APOL5: variants seen among roughly 807,000 people sequenced by gnomAD.
APOL5 encodes the protein apolipoprotein L, 5.
A neutral mutation model predicts 35.5 loss-of-function variants in APOL5; 29 were observed. The observed-to-expected ratio is 0.82, with a 90% CI of 0.61 to 1.11. The LOEUF is 1.11. Ranked by LOEUF, APOL5 falls within the 50% of genes most tolerant of loss-of-function variation. APOL5 has a pLI of 0.00. For missense variants in APOL5, 514 were observed against 530.4 expected, an observed-to-expected ratio of 0.97 and a Z score of 0.30; for synonymous variants, 188 against 200.2, an observed-to-expected ratio of 0.94 and a Z score of 0.51.
rs1927159072 is a variant in APOL5, at chr22:35,726,445, A to T, written c.377A>T (p.Gln126Leu). ...NIKELNTLAD[Q>L]VDTTHELLTK... ...AAAGAACTTAACACCCTTGCGGACC[A>T]AGTTGACACCACTCACGAGTTGCTT... Residue 126 changes from glutamine (Q) to leucine (L), a missense_variant, in exon 3 of 5, where the codon CAA (glutamine) becomes CTA (leucine). By Grantham distance (113) the Gln-to-Leu change is moderately radical. Coordinates refer to ENST00000249044, the MANE Select transcript of APOL5 (RefSeq NM_030642.1). The T allele has an allele frequency of 2.5e-6, 4 of 1,614,150 alleles. No individual in the cohort carries two copies. Among genetic ancestry groups the T allele is most frequent in the Non-Finnish European group, 3.4e-6 (4 of 1,180,038 alleles).
At chr22:35,724,203 C>T (rs924576008) in intron 2 of APOL5, among the ~76,000 whole-genome samples, 7 of 151,410 alleles carry the variant, frequency 4.6e-5, no homozygotes, top group Admixed American at 4.6e-4. Context: ...TGGTTGCATG[C>T]GCCTGTAGTC....
chr22:35,713,546 A>G (rs1440089745), upstream of APOL5, among the ~76,000 whole-genome samples: 1 of 152,086 alleles, frequency 6.6e-6, no homozygotes, highest in Non-Finnish European at 1.5e-5. Context: ...CCCATCTCGG[A>G]GTCACCAGGC....
upstream of APOL5, among the ~76,000 whole-genome samples, chr22:35,715,326 G>T (rs1274994958): frequency 6.6e-6 from 1 of 152,180 alleles, no homozygotes; most frequent in African/African-American, 2.4e-5. Context: ...AGCAGGGAGA[G>T]CTGAGCAAGA....
At chr22:35,722,613 C>A (rs1292823359) in intron 2 of APOL5, among the ~76,000 whole-genome samples, 1 of 152,048 alleles carries the variant, frequency 6.6e-6, no homozygotes, top group Non-Finnish European at 1.5e-5. Context: ...AGGTTCTTAC[C>A]CTAACTCCAC....
the APOL5 span, among the ~76,000 whole-genome samples, chr22:35,708,730 T>C: frequency 6.6e-6 from 1 of 152,202 alleles, no homozygotes; most frequent in African/African-American, 2.4e-5. Flanking sequence ...TGCAACTCCC[T>C]TGAGTAGTTA....
At chr22:35,722,156 G>C (rs1926993285) in intron 2 of APOL5, among the ~76,000 whole-genome samples, 1 of 152,184 alleles carries the variant, frequency 6.6e-6, no homozygotes, top group Non-Finnish European at 1.5e-5. Context: ...CCGTGTCCTT[G>C]ACTTTGGCTA....
At chr22:35,709,353 AAC>A in the APOL5 span, among the ~76,000 whole-genome samples, 1,559 of 147,928 alleles carry the variant, frequency 0.011, 27 homozygotes, top group Middle Eastern at 0.069. Context: ...TAAGGTATAA[AAC>A]ACACAAAATT....
rs920571422 is a variant in APOL5 at position 35,728,650 on chromosome 22, T to C, written c.1127-73T>C. The stretch of plus-strand genomic sequence containing the variant: ...TAGAAATTTGCTCTCTGGGGACATA[T>C]TTGAGCTTCTGAACGTCCAGGGGCA... On this transcript the variant is annotated intron_variant, in intron 3 of 4. Coordinates refer to ENST00000249044, the MANE Select transcript of APOL5 (RefSeq NM_030642.1). The C allele has an allele frequency of 4.9e-5, 75 of 1,527,480 alleles. No individual in the cohort carries two copies. The Middle Eastern group carries it at 1.1e-3, about 22-fold the overall frequency. 94.6% of individuals were successfully genotyped at this position (1,527,480 alleles called of 1,614,324 possible). A position where few individuals can be genotyped will look rare whatever the true frequency, so the allele number is the denominator to read the frequency against.
chr22:35,724,111 T>C (rs1246789707), intron 2 of APOL5, among the ~76,000 whole-genome samples: 1 of 151,388 alleles, frequency 6.6e-6, no homozygotes, highest in Non-Finnish European at 1.5e-5. Flanking sequence ...TTACTAATTT[T>C]TAAAAATTAT....
At chr22:35,723,079 G>T (rs919084945) in intron 2 of APOL5, among the ~76,000 whole-genome samples, 1 of 152,168 alleles carries the variant, frequency 6.6e-6, no homozygotes, top group Non-Finnish European at 1.5e-5. Flanking sequence ...AGGAGGGAGG[G>T]ACCCAGGGCT....
intron 3 of APOL5, among the ~76,000 whole-genome samples, chr22:35,728,302 C>T (rs1272316189): frequency 1.3e-5 from 2 of 152,316 alleles, no homozygotes; most frequent in Non-Finnish European, 1.5e-5. Flanking sequence ...TGGCTCACTG[C>T]AAGCTCCGCC....
chr22:35,723,873 C>T (rs898940839), intron 2 of APOL5, among the ~76,000 whole-genome samples: 6 of 152,202 alleles, frequency 3.9e-5, no homozygotes, highest in Non-Finnish European at 1.5e-5. Flanking sequence ...AGAAGAATGG[C>T]TTGAACTCTG....
At chr22:35,716,551 C>T (rs1020368710), upstream of APOL5, among the ~76,000 whole-genome samples, 6 of 152,128 alleles carry the variant, frequency 3.9e-5, no homozygotes, top group African/African-American at 1.2e-4. Context: ...CGTGAGCCAC[C>T]GTGCCTGGCT....
intron 2 of APOL5, among the ~76,000 whole-genome samples, chr22:35,724,393 T>TA (rs201633209): frequency 1.0e-4 from 15 of 145,742 alleles, no homozygotes; most frequent in African/African-American, 3.5e-4. Flanking sequence ...TTTTTTTTTT[T>TA]AAAGAAAAAG....
At chr22:35,717,235 A>AAATATATATATAT, upstream of APOL5, among the ~76,000 whole-genome samples, 10 of 57,662 alleles carry the variant, frequency 1.7e-4, no homozygotes, top group African/African-American at 7.9e-4. Context: ...AAAAAAAAAA[A>AAATATATATATAT]ATATATATAT....
At chr22:35,713,566 G>A (rs576090988), upstream of APOL5, among the ~76,000 whole-genome samples, 7 of 152,248 alleles carry the variant, frequency 4.6e-5, no homozygotes, top group African/African-American at 1.4e-4. Flanking sequence ...CCTCAGCTCC[G>A]TATGGCGCCC....
chr22:35,708,431 A>G, the APOL5 span, among the ~76,000 whole-genome samples: 5,322 of 148,546 alleles, frequency 0.036, 123 homozygotes, highest in Middle Eastern at 0.078. Flanking sequence ...AAAAAAGAAA[A>G]AAAAAAAAGA....
At chr22:35,725,043 C>T (rs1927102482) in intron 2 of APOL5, among the ~76,000 whole-genome samples, 1 of 152,156 alleles carries the variant, frequency 6.6e-6, no homozygotes, top group African/African-American at 2.4e-5. Flanking sequence ...CCCAGGGCTC[C>T]AGGCCAGAGT....
In APOL5 at chr22:35,722,745, T is replaced by C. The variant is rs188631990; in HGVS notation, c.142+2091T>C. ...GCAGAATACTATTTATCTTCTGTGTTGTGCCTAGAGGGCACCCACTAGGTC... is the reference window on the plus strand; with the variant it reads ...GCAGAATACTATTTATCTTCTGTGTCGTGCCTAGAGGGCACCCACTAGGTC... On this transcript the variant is annotated intron_variant, in intron 2 of 4. Transcript: ENST00000249044. Among the ~76,000 whole-genome samples the C allele has an allele frequency of 2.0e-3, 302 of 152,328 alleles. 1 individual carries two copies. The highest frequency in any genetic ancestry group is 6.7e-3 in the African/African-American group (280 of 41,588).
Sources: gnomAD v4.1 joint callset for allele counts (sites outside exome capture counted in the v4.1 genomes callset) on GRCh38, gnomAD v4.1.1 for gene constraint, MANE v1.5 for transcripts, NCBI Gene and HGNC (gene_info 2026-07-23, HGNC 2026-07-21) for gene names.